Variants in FLNC observed in about 807,000 individuals in gnomAD.
FLNC encodes the protein filamin C.
Under a neutral mutation model 254.3 loss-of-function variants are expected in FLNC, and 91 were observed. The ratio of observed to expected loss-of-function variants is 0.36; its 90% confidence interval spans 0.30 to 0.43. The LOEUF (loss-of-function observed/expected upper bound fraction) is 0.43. Among genes scored for constraint, FLNC ranks in the 20% least tolerant of loss-of-function variants. The pLI is 1.00. For synonymous variants in FLNC, 1,430 were observed against 1,577.2 expected (o/e 0.91, Z 2.21); for missense variants, 2,853 against 3,802.6 (o/e 0.75, Z 6.57).
Position 128,836,985 on chromosome 7 carries a change from A to C in FLNC, c.602-175A>C, listed in dbSNP as rs1180115822. 1.3e-5 allele frequency among the ~76,000 whole-genome samples: 2 copies of C among 152,214 alleles called. No homozygotes were observed. The highest frequency in any genetic ancestry group is 2.1e-4 in the South Asian group (1 of 4,834). ...TGGTGGAGAGGGCTGTCCTGCTCCT[A>C]CGTGGTGAGGGGCCTCGAAGCTGAT... On this transcript the variant is annotated intron_variant, in intron 2 of 47. Coordinates refer to ENST00000325888, the MANE Select transcript of FLNC (RefSeq NM_001458.5). The surrounding 1 kb of genome is among the most constrained non-coding windows in gnomAD (Gnocchi z 6.0).
Position 128,838,587 on chromosome 7 carries a change from CCT to C in FLNC, c.1211-13_1211-12del, listed in dbSNP as rs1456492805. 1 of 1,612,646 alleles carries C rather than the reference CCT, an allele frequency of 6.2e-7. No homozygotes were observed. Among genetic ancestry groups the C allele is most frequent in the Non-Finnish European group, 8.5e-7 (1 of 1,179,922 alleles). Reference sequence around the variant, plus strand: ...TGTGTGTCCAGAGTGGTGCTGACAGCCTCTGTTTTCGGCAGGGGCCGGCACTG... The same window carrying C: ...TGTGTGTCCAGAGTGGTGCTGACAGCCTGTTTTCGGCAGGGGCCGGCACTG... On this transcript the variant is annotated splice_polypyrimidine_tract_variant and intron_variant, in intron 7 of 47. Coordinates refer to ENST00000325888, the MANE Select transcript of FLNC (RefSeq NM_001458.5).
chr7:128,854,619 G>A lies in FLNC; in HGVS notation c.6934G>A (p.Gly2312Ser), dbSNP rs1164698696. Residue 2312 changes from glycine to serine, a missense_variant, in exon 41 of 48, where the codon GGT becomes AGT. Around this residue, in one of 10 missense-constraint regions of FLNC, gnomAD observed 551 missense variants for 835.0 expected, o/e 0.66. Transcript: ENST00000325888. ...GTTCACTGTGGGGCCGCTGGGTGAA[G>A]GTGGTGCCCACAAGGTGCGGGCCGG... ...FQFTVGPLGE[G>S]GAHKVRAGGT... 1.2e-6 allele frequency: 2 copies of A among 1,612,128 alleles called. No homozygotes were observed. The highest frequency in any genetic ancestry group is 1.3e-5 in the African/African-American group (1 of 74,938).
chr7:128,843,967 C>T (rs752106281), intron 19 of FLNC, 37 bp from the exon 20 acceptor site: 49 of 1,613,936 alleles, frequency 3.0e-5, no homozygotes, highest in South Asian at 7.7e-5. Context: ...TAGGGTGGAC[C>T]GGAGTCTCCT....
intron 5 of FLNC, 92 bp from the exon 6 acceptor site, chr7:128,837,895 G>C: frequency 7.3e-7 from 1 of 1,373,762 alleles, no homozygotes; most frequent in South Asian, 1.2e-5. Flanking sequence ...GTCACCATGG[G>C]GGCTGAGTGG....
At chr7:128,853,437 C>G (rs773439152) in intron 37 of FLNC, 32 bp from the exon 38 acceptor site, 1 of 1,612,724 alleles carries the variant, frequency 6.2e-7, no homozygotes. Flanking sequence ...CAGCCTAGGA[C>G]TGAGGGAGAT....
In FLNC at chr7:128,841,508, G is replaced by T. The variant is rs774194364; in HGVS notation, c.2062G>T (p.Ala688Ser). Residue 688 changes from alanine to serine, a missense_variant, in exon 13 of 48, where the codon GCT (alanine) becomes TCT (serine). Transcript: ENST00000325888. This position sits in a 1 kb window ranked among gnomAD's most constrained non-coding sequence, Gnocchi z 4.3. ...EPTGCIVDKP[A>S]EFTIDARAAG... ...TACCGGCTGCATCGTGGACAAGCCC[G>T]CTGAGTTCACCATTGATGCTCGTGC... is the stretch of plus-strand genomic sequence containing the variant. 5.0e-6 allele frequency: 8 copies of T among 1,614,010 alleles called. No individual in the cohort carries two copies. Among genetic ancestry groups the T allele is most frequent in the Non-Finnish European group, 5.9e-6 (7 of 1,179,988 alleles).
intron 6 of FLNC, 87 bp downstream of exon 6, chr7:128,838,151 C>T (rs754893418): frequency 2.0e-5 from 30 of 1,490,392 alleles, no homozygotes; most frequent in Non-Finnish European, 2.4e-5. Flanking sequence ...CTGTACCTCG[C>T]GCCTGCCCAG....
At chr7:128,850,692 G>A (rs1399564641) in intron 32 of FLNC, 111 bp from the exon 33 acceptor site, 1 of 1,523,964 alleles carries the variant, frequency 6.6e-7, no homozygotes, top group East Asian at 2.4e-5. Context: ...GCTGTCTCTT[G>A]ATGCCTGGCT....
Position 128,838,388 on chromosome 7 carries a change from A to T in FLNC, c.1169A>T (p.Asn390Ile). The T allele has an allele frequency of 6.2e-7, 1 of 1,613,890 alleles. No individual in the cohort carries two copies. Among genetic ancestry groups the T allele is most frequent in the Non-Finnish European group, 8.5e-7 (1 of 1,179,958 alleles). ...GGCCCTGGCCTGGAACCTGTGGGCA[A>T]TGTGGCCAACAAACCCACCTACTTT... ...ARGPGLEPVGNVANKPTYFDI... is the reference protein window; with the variant it reads ...ARGPGLEPVGIVANKPTYFDI... Residue 390 changes from asparagine to isoleucine, a missense_variant, in exon 7 of 48, where the codon AAT (asparagine) becomes ATT (isoleucine). This residue lies in a region of FLNC where 1,573 missense variants were observed against 1,883.5 expected (regional missense o/e 0.84). Coordinates refer to ENST00000325888, the MANE Select transcript of FLNC (RefSeq NM_001458.5).
chr7:128,840,606 G>A lies in FLNC; in HGVS notation c.1608G>A (p.Glu536=), dbSNP rs549086803. ...CTGGGGATGGTGTGTTCGAGTGCGA[G>A]TACTACCCGGTGGTGCCTGGGAAGT... ...REAGDGVFEC[E]YYPVVPGKYV... Residue 536 remains glutamate, a synonymous_variant, in exon 10 of 48, where the codon GAG becomes GAA. Transcript: ENST00000325888. 6.3e-5 allele frequency: 102 copies of A among 1,614,140 alleles called. No individual in the cohort carries two copies. In the South Asian group the frequency reaches 1.1e-3, roughly 17 times the overall value.
intron 21 of FLNC, 108 bp from the exon 22 acceptor site, chr7:128,845,882 G>T: frequency 1.0e-6 from 1 of 969,366 alleles, no homozygotes. Context: ...AGGGGAAGAG[G>T]AGGGGAAGAG....
In FLNC at chr7:128,856,944, C is replaced by T; in HGVS notation, c.7561+23C>T. The T allele has an allele frequency of 1.2e-6, 2 of 1,612,408 alleles. No homozygotes were observed. The highest frequency in any genetic ancestry group is 1.7e-6 in the Non-Finnish European group (2 of 1,178,954). Reference sequence around the variant, plus strand: ...CCGGTGAGTGCCTGGAGCTGGGGAACAGGGTGACTTCTGGGGGTGCTTGGC... The same window carrying T: ...CCGGTGAGTGCCTGGAGCTGGGGAATAGGGTGACTTCTGGGGGTGCTTGGC... On this transcript the variant is annotated intron_variant, in intron 45 of 47. Coordinates refer to ENST00000325888, the MANE Select transcript of FLNC (RefSeq NM_001458.5). The surrounding 1 kb of genome is among the most constrained non-coding windows in gnomAD (Gnocchi z 5.9).
chr7:128,838,828 C>T (rs758763373), intron 8 of FLNC, 25 bp downstream of exon 8: 133 of 1,601,956 alleles, frequency 8.3e-5, no homozygotes, highest in Non-Finnish European at 1.1e-4. Context: ...CTGCTCCCCA[C>T]GGTAGCCCTT....
intron 22 of FLNC, 66 bp downstream of exon 22, chr7:128,846,229 T>C: frequency 6.6e-7 from 1 of 1,516,378 alleles, no homozygotes; most frequent in Non-Finnish European, 8.9e-7. Context: ...GATCTGATGA[T>C]ATTGCCCTCG....
chr7:128,849,683 T>C, intron 30 of FLNC, 105 bp downstream of exon 30: 1 of 1,440,936 alleles, frequency 6.9e-7, no homozygotes, highest in Non-Finnish European at 9.5e-7. Context: ...ATCCCACTTC[T>C]CTGAGGGCTC....
At position 128,846,757 on chromosome 7, in the gene FLNC, C is replaced by T. The variant is rs183668401; in HGVS notation, c.4140C>T (p.Thr1380=). The T allele has an allele frequency of 5.8e-5, 93 of 1,613,998 alleles. 1 individual carries two copies. In the East Asian group the frequency reaches 1.7e-3, roughly 30 times the overall value. ...TGTTATCTCTCAGGGGAGCGGGCAC[C>T]GGGGGCCTTGGCCTAGCCATCGAGG... ...RFTVETRGAG[T]GGLGLAIEGP... The change falls in exon 24 of 48, where the codon ACC becomes ACT. Residue 1380 remains threonine (T), a synonymous_variant. Coordinates refer to ENST00000325888, the MANE Select transcript of FLNC (RefSeq NM_001458.5).
At chr7:128,847,142 G>A (rs1429693662) in intron 24 of FLNC, among the ~76,000 whole-genome samples, 2 of 152,262 alleles carry the variant, frequency 1.3e-5, no homozygotes, top group African/African-American at 4.8e-5. Flanking sequence ...CTAGCCCCTT[G>A]TCTGGAGCTC....
At position 128,857,302 on chromosome 7, in the gene FLNC, C is replaced by T; in HGVS notation, c.7746C>T (p.His2582=). Residue 2582 remains histidine (H), a synonymous_variant, in exon 46 of 48, where the codon CAC becomes CAT. Transcript: ENST00000325888. The surrounding 1 kb of genome is among the most constrained non-coding windows in gnomAD (Gnocchi z 4.5). ...LIAIKYGGPQ[H]IVGSPFKAKV... ...CCATCAAGTACGGTGGCCCCCAGCA[C>T]ATCGTGGGCAGCCCCTTCAAGGCCA... is the stretch of plus-strand genomic sequence containing the variant. 6.2e-7 allele frequency: 1 copy of T among 1,613,712 alleles called. No individual in the cohort carries two copies. Among genetic ancestry groups the T allele is most frequent in the Non-Finnish European group, 8.5e-7 (1 of 1,179,910 alleles).
rs1322652491 is a variant in FLNC at position 128,858,945 on chromosome 7, T to A, written c.*422T>A. ...TACCCTCCTGACCCCGAGGACTTGG[T>A]CTGGTCTCTCTGGTGGCTACAACCC... is the stretch of plus-strand genomic sequence containing the variant. On this transcript the variant is annotated 3_prime_UTR_variant, in exon 48 of 48. Coordinates refer to ENST00000325888, the MANE Select transcript of FLNC (RefSeq NM_001458.5). The surrounding 1 kb of genome is among the most constrained non-coding windows in gnomAD (Gnocchi z 6.7). 3.4e-5 allele frequency: 8 copies of A among 236,340 alleles called. No individual in the cohort carries two copies. The highest frequency in any genetic ancestry group is 1.7e-5 in the Non-Finnish European group (2 of 118,536). 14.6% of individuals were successfully genotyped at this position (236,340 alleles called of 1,614,324 possible).
Sources: gnomAD v4.1 joint callset for allele counts (sites outside exome capture counted in the v4.1 genomes callset) on GRCh38, gnomAD v4.1.1 for gene constraint, gnomAD v4.1.1 regional missense constraint, Gnocchi (gnomAD v3.1) non-coding constraint, MANE v1.5 for transcripts, NCBI Gene and HGNC (gene_info 2026-07-23, HGNC 2026-07-21) for gene names.